The following ADAM15 variants were observed in gnomAD, a reference collection of about 807,000 sequenced individuals.
ADAM15 encodes ADAM metallopeptidase domain 15.
Under a neutral mutation model 113.8 loss-of-function variants are expected in ADAM15, and 77 were observed. That is an observed-to-expected ratio of 0.68 (90% CI 0.56 to 0.82). ADAM15 has a LOEUF of 0.82. Ranked by LOEUF, ADAM15 falls within the 40% of genes least tolerant of loss-of-function variation. The probability of loss-of-function intolerance (pLI) is 0.00; values close to 1 mark genes in which losing one functional copy is unlikely to be tolerated. For missense variants in ADAM15, 963 were observed against 1,120.1 expected (o/e 0.86, Z 2.00); for synonymous variants, 388 against 454.1 (o/e 0.85, Z 1.85).
chr1:155,058,590 A>G lies in ADAM15; in HGVS notation c.1918-120A>G, dbSNP rs1662112204. 1.9e-6 allele frequency: 3 copies of G among 1,552,482 alleles called. No individual in the cohort carries two copies. The highest frequency in any genetic ancestry group is 1.7e-6 in the Non-Finnish European group (2 of 1,149,008). The stretch of plus-strand genomic sequence containing the variant: ...CTTCAGATGGAGCAAAGTCCTATCA[A>G]CTCACTATGCCTTGGTTTCCCCATC... On this transcript the variant is annotated intron_variant, in intron 15 of 22. Transcript: ENST00000356955. The surrounding 1 kb of genome is among the most constrained non-coding windows in gnomAD (Gnocchi z 4.3).
rs369277152 is a variant in ADAM15 at position 155,062,370 on chromosome 1, G to A, written c.2549+1G>A. 36 of 1,599,870 alleles carry A rather than the reference G, an allele frequency of 2.3e-5. No homozygotes were observed. The highest frequency in any genetic ancestry group is 2.8e-5 in the Non-Finnish European group (33 of 1,173,792). On this transcript the variant is annotated splice_donor_variant, in intron 22 of 22. Transcript: ENST00000356955. LOFTEE classifies it high-confidence loss of function. This position sits in a 1 kb window ranked among gnomAD's most constrained non-coding sequence, Gnocchi z 7.0. ...TCCCGCCCCTAGTGGTACCCTCCAG[G>A]TAGGAGGAGCCCTGGGCATGGGTGG...
Position 155,057,643 on chromosome 1 carries a change from G to T in ADAM15, c.1330G>T (p.Val444Phe), listed in dbSNP as rs545953118. The T allele has an allele frequency of 1.9e-6, 3 of 1,614,048 alleles. No individual in the cohort carries two copies. Among genetic ancestry groups the T allele is most frequent in the South Asian group, 1.1e-5 (1 of 91,084 alleles). The change falls in exon 13 of 23, where the codon GTC becomes TTC. Residue 444 changes from valine (V) to phenylalanine (F), a missense_variant. By Grantham distance (50) the Val-to-Phe change is conservative. Transcript: ENST00000356955. This position sits in a 1 kb window ranked among gnomAD's most constrained non-coding sequence, Gnocchi z 5.0. ...QCDCGFLDDCVDPCCDSLTCQ... is the reference protein window; with the variant it reads ...QCDCGFLDDCFDPCCDSLTCQ... ...CCCGTGCTCCTGCCCACAGGACTGC[G>T]TCGATCCCTGCTGTGATTCTTTGAC...
chr1:155,062,580 A>C lies in ADAM15; in HGVS notation c.*78A>C. The C allele has an allele frequency of 1.3e-6, 2 of 1,550,700 alleles. No individual in the cohort carries two copies. The highest frequency in any genetic ancestry group is 1.8e-6 in the Non-Finnish European group (2 of 1,139,662). Reference sequence around the variant, plus strand: ...GGCGTGCCCTCTGGAGTCCCCTACCATGACTGAAGGCGCCAGAGACTGGCG... The same window carrying C: ...GGCGTGCCCTCTGGAGTCCCCTACCCTGACTGAAGGCGCCAGAGACTGGCG... On this transcript the variant is annotated 3_prime_UTR_variant, in exon 23 of 23. Transcript: ENST00000356955. The surrounding 1 kb of genome is among the most constrained non-coding windows in gnomAD (Gnocchi z 7.0).
intron 6 of ADAM15, among the ~76,000 whole-genome samples, chr1:155,054,831 C>T (rs1221283058): frequency 1.3e-5 from 2 of 152,174 alleles, no homozygotes; most frequent in East Asian, 1.9e-4. Context: ...GATCGAGCCA[C>T]TACACACCAG....
chr1:155,051,665 G>A (rs529006047), intron 1 of ADAM15, 200 bp downstream of exon 1: 4 of 471,672 alleles, frequency 8.5e-6, no homozygotes, highest in East Asian at 7.6e-5. Context: ...GGATGCCGGC[G>A]CCCCCTGCCT....
Position 155,062,186 on chromosome 1 carries a change from G to C in ADAM15, c.2425-59G>C. 1 of 1,445,986 alleles carries C rather than the reference G, an allele frequency of 6.9e-7. No homozygotes were observed. The highest frequency in any genetic ancestry group is 1.5e-5 in the South Asian group (1 of 68,274). 89.6% of individuals were successfully genotyped at this position (1,445,986 alleles called of 1,614,324 possible). ...TGGTGTTCCCCAGCACCAGTGCGTTGGGGGTGGGCAACATGACACCCCCCC... is the reference window on the plus strand; with the variant it reads ...TGGTGTTCCCCAGCACCAGTGCGTTCGGGGTGGGCAACATGACACCCCCCC... On this transcript the variant is annotated intron_variant, in intron 21 of 22. Transcript: ENST00000356955. The surrounding 1 kb of genome is among the most constrained non-coding windows in gnomAD (Gnocchi z 7.0).
chr1:155,055,952 C>G lies in ADAM15; in HGVS notation c.696C>G (p.Phe232Leu). 1 of 1,614,182 alleles carries G rather than the reference C, an allele frequency of 6.2e-7. No homozygotes were observed. The highest frequency in any genetic ancestry group is 8.5e-7 in the Non-Finnish European group (1 of 1,180,042). Reference protein sequence around the residue: ...DHSEAQKYRDFQHLLNRTLEV... With the variant: ...DHSEAQKYRDLQHLLNRTLEV... ...TACAGGCCCAGAAATACCGGGACTT[C>G]CAGCACCTGCTAAACCGCACACTGG... Residue 232 changes from phenylalanine to leucine, a missense_variant, in exon 8 of 23, where the codon TTC (phenylalanine) becomes TTG (leucine). Phe to Leu is a conservative substitution (Grantham distance 22). Coordinates refer to ENST00000356955, the MANE Select transcript of ADAM15 (RefSeq NM_207197.3).
intron 1 of ADAM15, chr1:155,052,317 T>C (rs2102380579): frequency 1.7e-6 from 1 of 595,986 alleles, no homozygotes. Context: ...TAGCTCAGTC[T>C]CGAGAGGGGG....
In ADAM15 at chr1:155,057,705, C is replaced by T. The variant is rs771758992; in HGVS notation, c.1392C>T (p.Asp464=). 6.8e-6 allele frequency: 11 copies of T among 1,614,058 alleles called. No individual in the cohort carries two copies. Among genetic ancestry groups the T allele is most frequent in the East Asian group, 6.7e-5 (3 of 44,894 alleles). ...GGCCAGGTGCACAGTGTGCATCTGA[C>T]GGACCCTGTTGTCAAAATTGCCAGG... ...QLRPGAQCAS[D]GPCCQNCQLR... Residue 464 remains aspartate (D), a synonymous_variant, in exon 13 of 23, where the codon GAC becomes GAT. Coordinates refer to ENST00000356955, the MANE Select transcript of ADAM15 (RefSeq NM_207197.3). This position sits in a 1 kb window ranked among gnomAD's most constrained non-coding sequence, Gnocchi z 5.0.
In ADAM15 at chr1:155,056,497, A is replaced by G. The variant is rs752079143; in HGVS notation, c.999+27A>G. ...TGAGTTATTTCCAGGTCTCCTCCTC[A>G]TTCCCAATTCAGTTCCTCCCAAGTG... On this transcript the variant is annotated intron_variant, in intron 10 of 22. Coordinates refer to ENST00000356955, the MANE Select transcript of ADAM15 (RefSeq NM_207197.3). The surrounding 1 kb of genome is among the most constrained non-coding windows in gnomAD (Gnocchi z 4.0). The G allele has an allele frequency of 1.9e-6, 3 of 1,602,766 alleles. No homozygotes were observed. Among genetic ancestry groups the G allele is most frequent in the East Asian group, 4.5e-5 (2 of 44,862 alleles).
rs1323362437 is a variant in ADAM15 at position 155,058,820 on chromosome 1, A to G, written c.1995+33A>G. ...GGGATGGGGGAAGTGGAAGGGGAGC[A>G]GAGAGCCTCTAGAGAGGAAAAGGAT... On this transcript the variant is annotated intron_variant, in intron 16 of 22. Transcript: ENST00000356955. This position sits in a 1 kb window ranked among gnomAD's most constrained non-coding sequence, Gnocchi z 4.3. 1 of 1,596,386 alleles carries G rather than the reference A, an allele frequency of 6.3e-7. No individual in the cohort carries two copies. The highest frequency in any genetic ancestry group is 2.2e-5 in the East Asian group (1 of 44,642).
chr1:155,055,863 T>C lies in ADAM15; in HGVS notation c.675+11T>C, dbSNP rs780144946. 2 of 1,614,244 alleles carry C rather than the reference T, an allele frequency of 1.2e-6. No individual in the cohort carries two copies. The highest frequency in any genetic ancestry group is 2.2e-5 in the South Asian group (2 of 91,090). ...GCTGATCACTCGGAGGTGAGCCTGC[T>C]GGCCCCTGCACATCCTCCTCCCCCT... is the stretch of plus-strand genomic sequence containing the variant. On this transcript the variant is annotated intron_variant, in intron 7 of 22. Transcript: ENST00000356955.
chr1:155,053,792 A>G, intron 3 of ADAM15, 118 bp from the exon 4 acceptor site: 2 of 1,217,606 alleles, frequency 1.6e-6, no homozygotes, highest in Admixed American at 2.0e-5. Flanking sequence ...CAGGAGTGGA[A>G]AAGTTGGCTG....
chr1:155,053,019 G>A (rs1661286251), intron 2 of ADAM15, among the ~76,000 whole-genome samples: 1 of 152,038 alleles, frequency 6.6e-6, no homozygotes, highest in African/African-American at 2.4e-5. Flanking sequence ...TCTCCACTGG[G>A]GAAATTGTGA....
Position 155,057,166 on chromosome 1 carries a change from C to G in ADAM15, c.1149-22C>G. 1 of 1,602,766 alleles carries G rather than the reference C, an allele frequency of 6.2e-7. No homozygotes were observed. On this transcript the variant is annotated intron_variant, in intron 11 of 22. Transcript: ENST00000356955. This position sits in a 1 kb window ranked among gnomAD's most constrained non-coding sequence, Gnocchi z 5.0. ...GGCAGGGAGAGGCCCCCAGCCCCAA[C>G]CTTCCTTGCCACCCTCCCCAGCTTC...
intron 2 of ADAM15, 128 bp downstream of exon 2, chr1:155,052,905 C>G (rs1661269479): frequency 7.9e-7 from 1 of 1,261,736 alleles, no homozygotes; most frequent in South Asian, 1.5e-5. Context: ...CTATCCCAGG[C>G]CCAGCTGCCT....
At chr1:155,052,133 G>A (rs534988418) in intron 1 of ADAM15, 164 of 216,188 alleles carry the variant, frequency 7.6e-4, no homozygotes, top group Non-Finnish European at 1.3e-3. Flanking sequence ...GTGTGTTGGG[G>A]GGGTGGGGGG....
chr1:155,051,450 C>T lies in ADAM15; in HGVS notation c.64C>T (p.Pro22Ser). ...LGAGSPLPSW[P>S]LPNIGGTEEQ... ...CGCGGGCAGCCCTCTGCCTTCCTGG[C>T]CGCTCCCAAATATAGGTGAGTCCTC... The change falls in exon 1 of 23, where the codon CCG becomes TCG. Residue 22 changes from proline to serine, a missense_variant. Physicochemically the swap from Pro to Ser is moderately conservative, Grantham distance 74. Transcript: ENST00000356955. The T allele has an allele frequency of 6.4e-7, 1 of 1,566,918 alleles. No homozygotes were observed. The highest frequency in any genetic ancestry group is 1.9e-5 in the Admixed American group (1 of 53,186).
Position 155,062,177 on chromosome 1 carries a change from C to A in ADAM15, c.2425-68C>A. 6.9e-7 allele frequency: 1 copy of A among 1,445,580 alleles called. No homozygotes were observed. The highest frequency in any genetic ancestry group is 9.1e-7 in the Non-Finnish European group (1 of 1,096,314). 89.5% of individuals were successfully genotyped at this position (1,445,580 alleles called of 1,614,324 possible). ...CCCCCAAGCTGGTGTTCCCCAGCACCAGTGCGTTGGGGGTGGGCAACATGA... is the reference window on the plus strand; with the variant it reads ...CCCCCAAGCTGGTGTTCCCCAGCACAAGTGCGTTGGGGGTGGGCAACATGA... On this transcript the variant is annotated intron_variant, in intron 21 of 22. Coordinates refer to ENST00000356955, the MANE Select transcript of ADAM15 (RefSeq NM_207197.3). This position sits in a 1 kb window ranked among gnomAD's most constrained non-coding sequence, Gnocchi z 7.0.
Sources: allele counts gnomAD v4.1 joint callset (sites outside exome capture counted in the v4.1 genomes callset), GRCh38; gene constraint gnomAD v4.1.1; non-coding constraint Gnocchi (gnomAD v3.1); transcripts MANE v1.5; gene names NCBI Gene and HGNC (gene_info 2026-07-23, HGNC 2026-07-21).